ZNF143: variants seen among roughly 807,000 people sequenced by gnomAD.
The protein encoded by ZNF143 is SPH-binding factor.
A neutral mutation model predicts 74.1 loss-of-function variants in ZNF143; 49 were observed. The ratio of observed to expected loss-of-function variants is 0.66; its 90% CI spans 0.53 to 0.84. ZNF143 has a LOEUF of 0.84. Ranked by LOEUF, ZNF143 falls within the 40% of genes least tolerant of loss-of-function variation. The pLI is 0.00. For missense variants in ZNF143, 637 were observed against 793.4 expected (o/e 0.80, Z 2.37); for synonymous variants, 304 against 282.8 (o/e 1.07, Z -0.75).
At chr11:9,467,774 G>A (rs1590493119) in intron 1 of ZNF143, among the ~76,000 whole-genome samples, 2 of 150,484 alleles carry the variant, frequency 1.3e-5, no homozygotes, top group South Asian at 4.2e-4. Flanking sequence ...AACTTGGGAG[G>A]TGGAAGTTAC....
chr11:9,498,291 G>C (rs1233194379), intron 10 of ZNF143, among the ~76,000 whole-genome samples: 6 of 152,228 alleles, frequency 3.9e-5, no homozygotes, highest in Admixed American at 3.3e-4. Flanking sequence ...AGCTCTGTTA[G>C]ATTCTCAGAA....
At chr11:9,468,800 G>A (rs747470628) in intron 1 of ZNF143, among the ~76,000 whole-genome samples, 1 of 152,028 alleles carries the variant, frequency 6.6e-6, no homozygotes, top group Non-Finnish European at 1.5e-5. Context: ...TCCTGCCACT[G>A]CAGTCCAGCC....
intron 7 of ZNF143, among the ~76,000 whole-genome samples, chr11:9,491,116 T>G (rs1205237929): frequency 6.6e-6 from 1 of 152,190 alleles, no homozygotes; most frequent in Non-Finnish European, 1.5e-5. Flanking sequence ...CTGGGCACAG[T>G]GGTACATGCC....
At chr11:9,512,253 C>T (rs1449073738) in intron 12 of ZNF143, among the ~76,000 whole-genome samples, 195 bp from the exon 13 acceptor site, 1 of 152,086 alleles carries the variant, frequency 6.6e-6, no homozygotes, top group African/African-American at 2.4e-5. Context: ...TTTGTTTGGT[C>T]TGCTTTGATG....
Position 9,527,657 on chromosome 11 carries a change from T to A in ZNF143, c.*44T>A. On this transcript the variant is annotated 3_prime_UTR_variant, in exon 16 of 16. Transcript: ENST00000396602. Reference sequence around the variant, plus strand: ...AATAAAGCAGAAGGAGTCTTTCATCTTCTGGCAGCAGAAATCCATGAAGCC... The same window carrying A: ...AATAAAGCAGAAGGAGTCTTTCATCATCTGGCAGCAGAAATCCATGAAGCC... The A allele has an allele frequency of 6.3e-7, 1 of 1,580,318 alleles. No individual in the cohort carries two copies. The highest frequency in any genetic ancestry group is 8.7e-7 in the Non-Finnish European group (1 of 1,150,868).
chr11:9,500,405 G>T (rs1205437787), intron 10 of ZNF143, among the ~76,000 whole-genome samples: 1 of 151,648 alleles, frequency 6.6e-6, no homozygotes, highest in Non-Finnish European at 1.5e-5. Flanking sequence ...TTAATATTAG[G>T]CATTATCTTG....
chr11:9,474,113 T>A lies in ZNF143; in HGVS notation c.289+89T>A, dbSNP rs1286015891. 3 of 1,059,940 alleles carry A rather than the reference T, an allele frequency of 2.8e-6. No homozygotes were observed. The East Asian group carries it at 7.1e-5, about 25-fold the overall frequency. The allele number at this position is 1,059,940 out of a possible 1,614,324, so 65.7% of individuals were successfully genotyped here. On this transcript the variant is annotated intron_variant, in intron 4 of 15. Coordinates refer to ENST00000396602, the MANE Select transcript of ZNF143 (RefSeq NM_003442.6). The stretch of plus-strand genomic sequence containing the variant: ...TGCAGCTCCCTCTTACTACCTAAAC[T>A]TGGTCTTGTTCTCAAGTCCTCCTTC...
At position 9,474,694 on chromosome 11, in the gene ZNF143, AG is replaced by A. The variant is rs1856778569; in HGVS notation, c.373+62del. 4.8e-5 allele frequency: 71 copies of A among 1,464,492 alleles called. No individual in the cohort carries two copies. The South Asian group carries it at 7.7e-4, about 16-fold the overall frequency. 90.7% of individuals were successfully genotyped at this position (1,464,492 alleles called of 1,614,324 possible). A position where few individuals can be genotyped will look rare whatever the true frequency, so the allele number is the denominator to read the frequency against. ...AGAAGTGGGAGTGGTGGGGGAAAGAAGACCTGTGTTTAGCTTCTGAATTGTT... is the reference window on the plus strand; with the variant it reads ...AGAAGTGGGAGTGGTGGGGGAAAGAAACCTGTGTTTAGCTTCTGAATTGTT... On this transcript the variant is annotated intron_variant, in intron 5 of 15. Transcript: ENST00000396602.
At chr11:9,492,343 C>T (rs1055915976) in intron 7 of ZNF143, among the ~76,000 whole-genome samples, 37 of 151,946 alleles carry the variant, frequency 2.4e-4, no homozygotes, top group African/African-American at 8.7e-4. Flanking sequence ...AACTTCCGTC[C>T]TCAGGTGGAT....
intron 7 of ZNF143, among the ~76,000 whole-genome samples, chr11:9,480,657 G>A (rs868188506): frequency 5.3e-5 from 8 of 152,030 alleles, no homozygotes; most frequent in Admixed American, 1.3e-4. Context: ...AGGCTGAGGC[G>A]GATGGATGAC....
intron 1 of ZNF143, chr11:9,463,923 C>G (rs1379385935): frequency 6.6e-6 from 1 of 152,146 alleles, no homozygotes; most frequent in Admixed American, 6.6e-5. Context: ...TAACTATATA[C>G]ATTTTTAAAT....
At chr11:9,491,262 T>C (rs1373810947) in intron 7 of ZNF143, among the ~76,000 whole-genome samples, 1 of 152,014 alleles carries the variant, frequency 6.6e-6, no homozygotes, top group African/African-American at 2.4e-5. Flanking sequence ...ATACTTTTTT[T>C]TTTTTAAGTT....
rs1217648766 is a variant in ZNF143, at chr11:9,504,706, G to T, written c.1147+3436G>T. 1.6e-4 allele frequency among the ~76,000 whole-genome samples: 15 copies of T among 94,500 alleles called. 1 individual carries two copies. The highest frequency in any genetic ancestry group is 1.1e-3 in the Admixed American group (8 of 6,982). The allele number at this position is 94,500 out of a possible 152,430, so 62.0% of individuals were successfully genotyped here. ...TTTTTTTTTTTTGAGACAGCGTCTCGCTCTGTTGCCCAGGCTGGAGTGCAA... is the reference window on the plus strand; with the variant it reads ...TTTTTTTTTTTTGAGACAGCGTCTCTCTCTGTTGCCCAGGCTGGAGTGCAA... On this transcript the variant is annotated intron_variant, in intron 11 of 15. Transcript: ENST00000396602.
chr11:9,514,686 A>G (rs1053024663), intron 13 of ZNF143, among the ~76,000 whole-genome samples: 1 of 152,256 alleles, frequency 6.6e-6, no homozygotes, highest in Non-Finnish European at 1.5e-5. Flanking sequence ...AGGGAAGAGC[A>G]AAGTCATAAA....
intron 15 of ZNF143, among the ~76,000 whole-genome samples, chr11:9,526,068 C>T (rs988524671): frequency 7.9e-5 from 12 of 152,034 alleles, no homozygotes; most frequent in Admixed American, 7.9e-4. Flanking sequence ...TACTTGTACC[C>T]AGGAGATTTG....
chr11:9,518,625 G>C (rs1408486798), intron 14 of ZNF143, among the ~76,000 whole-genome samples: 1 of 151,828 alleles, frequency 6.6e-6, no homozygotes, highest in Non-Finnish European at 1.5e-5. Context: ...GCTGAGGCAG[G>C]AGAATCGCTT....
chr11:9,488,673 G>A (rs772026737), intron 7 of ZNF143, among the ~76,000 whole-genome samples: 1 of 152,098 alleles, frequency 6.6e-6, no homozygotes, highest in African/African-American at 2.4e-5. Flanking sequence ...TTCATTAATA[G>A]CACAGTTTTA....
chr11:9,468,581 A>G (rs1856383113), intron 1 of ZNF143, among the ~76,000 whole-genome samples: 1 of 152,238 alleles, frequency 6.6e-6, no homozygotes, highest in South Asian at 2.1e-4. Flanking sequence ...TTAGCATCAT[A>G]TGGAGTCTGC....
Position 9,528,478 on chromosome 11 carries a change from C to G in ZNF143, c.*865C>G, listed in dbSNP as rs1165649278. The G allele has an allele frequency of 3.3e-5, 5 of 151,372 alleles. No individual in the cohort carries two copies. The East Asian group carries it at 7.7e-4, about 23-fold the overall frequency. 9.4% of individuals were successfully genotyped at this position (151,372 alleles called of 1,614,324 possible). A position where few individuals can be genotyped will look rare whatever the true frequency, so the allele number is the denominator to read the frequency against. ...TACTTTTGTTTTAAAGCTTATTTAC[C>G]CCAAAGTTTATTATTAATTTTGAAT... On this transcript the variant is annotated 3_prime_UTR_variant, in exon 16 of 16. Coordinates refer to ENST00000396602, the MANE Select transcript of ZNF143 (RefSeq NM_003442.6).
Sources: allele counts gnomAD v4.1 joint callset (sites outside exome capture counted in the v4.1 genomes callset), GRCh38; gene constraint gnomAD v4.1.1; transcripts MANE v1.5; gene names NCBI Gene and HGNC (gene_info 2026-07-23, HGNC 2026-07-21).